Variants in ATP10B observed in about 807,000 individuals in gnomAD.
The protein encoded by ATP10B is phospholipid-transporting ATPase VB.
In ATP10B, 122 loss-of-function variants were observed where a neutral mutation model predicts 141.2. That is an observed-to-expected ratio of 0.86 (90% confidence interval 0.75 to 1.00). The LOEUF is 1.00. ATP10B is among the 50% of genes least tolerant of loss of function. The pLI, the probability that ATP10B is intolerant of heterozygous loss-of-function variation, is 0.00. For missense variants in ATP10B, 1,876 were observed against 1,825.3 expected (o/e 1.03, Z -0.51); for synonymous variants, 685 against 692.0 (o/e 0.99, Z 0.16).
At chr5:160,676,379 T>G (rs1202384499) in intron 6 of ATP10B, among the ~76,000 whole-genome samples, 1 of 152,192 alleles carries the variant, frequency 6.6e-6, no homozygotes, top group African/African-American at 2.4e-5. Flanking sequence ...GCTCATCCTT[T>G]AACCTCTGCA....
At chr5:160,917,962 T>C in the ATP10B span, among the ~76,000 whole-genome samples, 1 of 152,166 alleles carries the variant, frequency 6.6e-6, no homozygotes, top group African/African-American at 2.4e-5. Context: ...TCCAGGCAAG[T>C]CCCTGAGATG....
chr5:160,573,001 T>G (rs1754972900), intron 24 of ATP10B, among the ~76,000 whole-genome samples: 1 of 152,242 alleles, frequency 6.6e-6, no homozygotes, highest in African/African-American at 2.4e-5. Context: ...TGTTTACCCA[T>G]GTTTATGGAT....
the ATP10B span, among the ~76,000 whole-genome samples, chr5:160,888,997 G>T: frequency 6.6e-6 from 1 of 152,218 alleles, no homozygotes; most frequent in East Asian, 1.9e-4. Context: ...CACAATATTA[G>T]ACAAAATCTA....
chr5:160,900,917 T>G, the ATP10B span, among the ~76,000 whole-genome samples: 1 of 149,404 alleles, frequency 6.7e-6, no homozygotes, highest in Non-Finnish European at 1.5e-5. Context: ...AGTTTTTTTT[T>G]TTTTTTTTTT....
At position 160,685,161 on chromosome 5, in the gene ATP10B, G is replaced by C. The variant is rs1287092021; in HGVS notation, c.470+918C>G. ...ACCATCCTTCAAAGAGCAAGTTAGA[G>C]ACCACTACTCGCTTCTTGTCTTCTT... is the stretch of plus-strand genomic sequence containing the variant. On this transcript the variant is annotated intron_variant, in intron 6 of 25. Transcript: ENST00000327245. 4.4e-6 allele frequency: 3 copies of C among 686,466 alleles called. No individual in the cohort carries two copies. In the African/African-American group the frequency reaches 5.3e-5, roughly 12 times the overall value. The allele number at this position is 686,466 out of a possible 1,614,324, so 42.5% of individuals were successfully genotyped here.
chr5:160,912,424 A>T, the ATP10B span, among the ~76,000 whole-genome samples: 1 of 68,298 alleles, frequency 1.5e-5, no homozygotes, highest in South Asian at 4.0e-4. Context: ...CAAAAAAAAA[A>T]AAAAAAAAAA....
At chr5:160,568,609 G>T (rs1754696569) in intron 25 of ATP10B, among the ~76,000 whole-genome samples, 1 of 152,164 alleles carries the variant, frequency 6.6e-6, no homozygotes, top group Admixed American at 6.5e-5. Flanking sequence ...ACTGGCCTTT[G>T]AGTTGGGAGA....
At chr5:160,678,166 A>G (rs1452003712) in intron 6 of ATP10B, among the ~76,000 whole-genome samples, 2 of 152,230 alleles carry the variant, frequency 1.3e-5, no homozygotes, top group African/African-American at 4.8e-5. Context: ...ATGAGAGCGC[A>G]AAGCATAGAT....
At chr5:160,879,439 T>A in the ATP10B span, among the ~76,000 whole-genome samples, 4 of 126,040 alleles carry the variant, frequency 3.2e-5, no homozygotes, top group Non-Finnish European at 6.6e-5. Flanking sequence ...TAATGCTAGA[T>A]GACGAGTTAG....
chr5:160,613,260 G>T (rs1446486462), intron 17 of ATP10B, among the ~76,000 whole-genome samples: 1 of 152,212 alleles, frequency 6.6e-6, no homozygotes, highest in Non-Finnish European at 1.5e-5. Context: ...ATGCAAAGAG[G>T]TGGCAGAGGA....
At chr5:160,600,729 G>A (rs1213148651) in intron 21 of ATP10B, among the ~76,000 whole-genome samples, 1 of 152,158 alleles carries the variant, frequency 6.6e-6, no homozygotes, top group Non-Finnish European at 1.5e-5. Context: ...GAACCCCATG[G>A]CAGCATTGCT....
At chr5:160,613,711 T>C (rs1469866777) in intron 17 of ATP10B, among the ~76,000 whole-genome samples, 2 of 152,246 alleles carry the variant, frequency 1.3e-5, no homozygotes, top group African/African-American at 2.4e-5. Context: ...ATATTTTTGA[T>C]AATATTCTTG....
intron 6 of ATP10B, among the ~76,000 whole-genome samples, chr5:160,682,524 T>C (rs1013426372): frequency 6.6e-6 from 1 of 151,904 alleles, no homozygotes; most frequent in African/African-American, 2.4e-5. Context: ...CACAGATGAG[T>C]CTGTGGTCTA....
intron 1 of ATP10B, among the ~76,000 whole-genome samples, chr5:160,840,215 C>G (rs181726544): frequency 1.3e-5 from 2 of 151,968 alleles, no homozygotes; most frequent in Admixed American, 6.6e-5. Context: ...AAAATATTGA[C>G]AAGCTTTCTT....
chr5:160,660,844 G>A (rs1003814799), intron 7 of ATP10B, among the ~76,000 whole-genome samples: 1 of 152,158 alleles, frequency 6.6e-6, no homozygotes, highest in Non-Finnish European at 1.5e-5. Context: ...ATAGCGGTCA[G>A]AAAAACATGT....
chr5:160,916,899 G>A, the ATP10B span, among the ~76,000 whole-genome samples: 3 of 152,176 alleles, frequency 2.0e-5, no homozygotes, highest in Non-Finnish European at 1.5e-5. Context: ...CTACAGTGTC[G>A]TGTGGTTTAC....
the ATP10B span, among the ~76,000 whole-genome samples, chr5:160,923,868 A>G: frequency 2.0e-5 from 3 of 152,262 alleles, no homozygotes; most frequent in African/African-American, 7.2e-5. Flanking sequence ...CAGACTGAAC[A>G]GAGAACAAGA....
chr5:160,732,628 G>T (rs1013057774), intron 2 of ATP10B, among the ~76,000 whole-genome samples: 1 of 152,052 alleles, frequency 6.6e-6, no homozygotes, highest in African/African-American at 2.4e-5. Context: ...ATTTATTTCT[G>T]GGTTCTCTAT....
At chr5:160,808,927 C>T (rs968959800) in intron 1 of ATP10B, among the ~76,000 whole-genome samples, 5 of 152,122 alleles carry the variant, frequency 3.3e-5, no homozygotes, top group African/African-American at 1.2e-4. Context: ...AGCATCTGTT[C>T]CATGCTTCTT....
Sources: allele counts gnomAD v4.1 joint callset (sites outside exome capture counted in the v4.1 genomes callset), GRCh38; gene constraint gnomAD v4.1.1; transcripts MANE v1.5; gene names NCBI Gene and HGNC (gene_info 2026-07-23, HGNC 2026-07-21).